The following PTPRM variants were observed in gnomAD, a reference collection of about 807,000 sequenced individuals.
PTPRM encodes protein tyrosine phosphatase receptor type M.
A neutral mutation model predicts 186.7 loss-of-function variants in PTPRM; 47 were observed. The ratio of observed to expected loss-of-function variants is 0.25; its 90% confidence interval spans 0.20 to 0.32. The LOEUF is 0.32. Ranked by LOEUF, PTPRM falls within the 10% of genes least tolerant of loss-of-function variation. PTPRM has a pLI of 1.00. For missense variants in PTPRM, 1,494 were observed against 1,865.0 expected (o/e 0.80, Z 3.66); for synonymous variants, 668 against 674.9 (o/e 0.99, Z 0.16).
intron 1 of PTPRM, among the ~76,000 whole-genome samples, chr18:7,695,595 CTGTTTTTGACATAGAGT>C (rs1328266544): frequency 6.6e-6 from 1 of 152,200 alleles, no homozygotes; most frequent in Non-Finnish European, 1.5e-5. Context: ...ATGCTCTTGT[CTGTTTTTGACATAGAGT>C]TGTTTATTTT....
intron 7 of PTPRM, among the ~76,000 whole-genome samples, chr18:7,958,878 G>T (rs1401603379): frequency 6.6e-6 from 1 of 152,140 alleles, no homozygotes; most frequent in Non-Finnish European, 1.5e-5. Flanking sequence ...TCCTGCCTGG[G>T]TTTTGTGCTA....
At chr18:7,833,385 G>T (rs2045858248) in intron 2 of PTPRM, among the ~76,000 whole-genome samples, 1 of 152,032 alleles carries the variant, frequency 6.6e-6, no homozygotes, top group South Asian at 2.1e-4. Flanking sequence ...TATTGTAAAT[G>T]GGGTTACTTT....
intron 1 of PTPRM, among the ~76,000 whole-genome samples, chr18:7,725,549 C>T (rs551906350): frequency 2.0e-5 from 3 of 148,672 alleles, no homozygotes; most frequent in South Asian, 2.1e-4. Flanking sequence ...GCCCTGCCCC[C>T]AACCCCCATC....
At chr18:7,746,821 A>C (rs933215392) in intron 1 of PTPRM, among the ~76,000 whole-genome samples, 8 of 151,936 alleles carry the variant, frequency 5.3e-5, no homozygotes, top group Non-Finnish European at 1.5e-5. Flanking sequence ...ATTTCTTTTT[A>C]CCAGCCACGT....
At chr18:7,814,350 T>C (rs2044690924) in intron 2 of PTPRM, 1 of 152,210 alleles carries the variant, frequency 6.6e-6, no homozygotes, top group Admixed American at 6.5e-5. Context: ...AAATTATGGC[T>C]TAGGGCTCAG....
intron 20 of PTPRM, among the ~76,000 whole-genome samples, chr18:8,306,377 A>T (rs1416400889): frequency 1.3e-5 from 2 of 152,238 alleles, no homozygotes; most frequent in African/African-American, 4.8e-5. Flanking sequence ...TAGAGCCAGC[A>T]TCAAATCATG....
intron 1 of PTPRM, among the ~76,000 whole-genome samples, chr18:7,713,556 A>G (rs929889381): frequency 2.6e-5 from 4 of 152,188 alleles, no homozygotes; most frequent in South Asian, 2.1e-4. Flanking sequence ...AAATGCCCCA[A>G]TTAAAAGACA....
chr18:7,675,049 A>G (rs927567768), intron 1 of PTPRM, among the ~76,000 whole-genome samples: 2 of 152,222 alleles, frequency 1.3e-5, no homozygotes, highest in African/African-American at 2.4e-5. Context: ...GGTAATAACT[A>G]AGATTTGAAA....
At chr18:8,279,498 T>C (rs2094876903) in intron 19 of PTPRM, among the ~76,000 whole-genome samples, 1 of 152,206 alleles carries the variant, frequency 6.6e-6, no homozygotes, top group Non-Finnish European at 1.5e-5. Flanking sequence ...GTAAGCTCCC[T>C]GGACTGCATT....
At chr18:8,014,669 G>A (rs948060199) in intron 7 of PTPRM, among the ~76,000 whole-genome samples, 1 of 152,170 alleles carries the variant, frequency 6.6e-6, no homozygotes, top group Admixed American at 6.5e-5. Flanking sequence ...AAAATTTGTA[G>A]ATGGGTCTAA....
intron 2 of PTPRM, among the ~76,000 whole-genome samples, chr18:7,878,789 G>T (rs1292828108): frequency 6.6e-6 from 1 of 152,048 alleles, no homozygotes; most frequent in African/African-American, 2.4e-5. Context: ...TAATTTAGGG[G>T]AAAAATAAAT....
At chr18:7,601,295 A>G (rs1446719584) in intron 1 of PTPRM, among the ~76,000 whole-genome samples, 1 of 152,102 alleles carries the variant, frequency 6.6e-6, no homozygotes, top group Non-Finnish European at 1.5e-5. Context: ...AGCTCTGGAT[A>G]TTTCTCTGCC....
chr18:7,670,192 A>G (rs2039188513), intron 1 of PTPRM, among the ~76,000 whole-genome samples: 1 of 151,888 alleles, frequency 6.6e-6, no homozygotes, highest in East Asian at 1.9e-4. Flanking sequence ...TTTTTTCATG[A>G]AGCTTTCAAA....
chr18:8,263,462 G>A (rs771283298), intron 19 of PTPRM, among the ~76,000 whole-genome samples: 16 of 152,086 alleles, frequency 1.1e-4, no homozygotes, highest in Non-Finnish European at 2.2e-4. Context: ...TTAACCTTGT[G>A]GCAGGAATGA....
chr18:8,372,262 G>C (rs1318018391), intron 24 of PTPRM, among the ~76,000 whole-genome samples: 2 of 143,828 alleles, frequency 1.4e-5, no homozygotes, highest in Non-Finnish European at 3.0e-5. Flanking sequence ...TTTTAGTAGA[G>C]ACGGGGTTTC....
chr18:8,175,107 C>T (rs777548452), intron 14 of PTPRM, among the ~76,000 whole-genome samples: 17 of 152,196 alleles, frequency 1.1e-4, no homozygotes, highest in Non-Finnish European at 2.2e-4. Context: ...AATATGCTGT[C>T]TTCTGCTTTC....
chr18:7,979,341 G>A (rs2055174952), intron 7 of PTPRM, among the ~76,000 whole-genome samples: 1 of 152,190 alleles, frequency 6.6e-6, no homozygotes, highest in African/African-American at 2.4e-5. Flanking sequence ...TTTGGGATTT[G>A]GGAGGCAGAA....
intron 23 of PTPRM, among the ~76,000 whole-genome samples, chr18:8,345,373 A>G (rs1174992585): frequency 6.6e-6 from 1 of 152,184 alleles, no homozygotes; most frequent in Non-Finnish European, 1.5e-5. Context: ...CAGATCAGAA[A>G]TAAATAGAGA....
At chr18:7,875,327 A>ATTT (rs796334079) in intron 2 of PTPRM, among the ~76,000 whole-genome samples, 1 of 143,848 alleles carries the variant, frequency 7.0e-6, no homozygotes, top group African/African-American at 2.5e-5. Flanking sequence ...AACGTGCACC[A>ATTT]TTTTTTTTTT....
Sources: gnomAD v4.1 joint callset for allele counts (sites outside exome capture counted in the v4.1 genomes callset) on GRCh38, gnomAD v4.1.1 for gene constraint, MANE v1.5 for transcripts, NCBI Gene and HGNC (gene_info 2026-07-23, HGNC 2026-07-21) for gene names.